The following SYNDIG1 variants were observed in gnomAD, a reference collection of about 807,000 sequenced individuals.
SYNDIG1 encodes synapse differentiation-inducing gene protein 1.
In SYNDIG1, 9 loss-of-function variants were observed where a neutral mutation model predicts 19.4. The ratio of observed to expected loss-of-function variants is 0.46; its 90% CI spans 0.28 to 0.81. The LOEUF is 0.81. Ranked by LOEUF, SYNDIG1 falls within the 30% of genes least tolerant of loss-of-function variation. The probability of loss-of-function intolerance (pLI) is 0.12; values close to 1 mark genes in which losing one functional copy is unlikely to be tolerated. For missense variants in SYNDIG1, 311 were observed against 343.3 expected (o/e 0.91, Z 0.74); for synonymous variants, 141 against 145.9 (o/e 0.97, Z 0.24).
intron 1 of SYNDIG1, among the ~76,000 whole-genome samples, chr20:24,506,084 G>A (rs1417765112): frequency 6.6e-6 from 1 of 152,162 alleles, no homozygotes; most frequent in African/African-American, 2.4e-5. Context: ...CAACTCTCAA[G>A]TCCTGGCCCC....
intron 1 of SYNDIG1, among the ~76,000 whole-genome samples, chr20:24,497,487 C>T (rs2056332922): frequency 6.6e-6 from 1 of 152,176 alleles, no homozygotes. Context: ...AGGTGTGAGC[C>T]ACTGTGCCTG....
rs143484932 is a variant in SYNDIG1, at chr20:24,601,846, G to A, written c.618+16853G>A. 9.9e-4 allele frequency among the ~76,000 whole-genome samples: 151 copies of A among 152,106 alleles called. 1 individual carries two copies. In the East Asian group the frequency reaches 0.021, roughly 21 times the overall value. On this transcript the variant is annotated intron_variant, in intron 3 of 3. Coordinates refer to ENST00000376862, the MANE Select transcript of SYNDIG1 (RefSeq NM_024893.3). The stretch of plus-strand genomic sequence containing the variant: ...TTCCTTTAGAGTGGCTTTTCTTGTG[G>A]TAAACACTCTCTGTTTTATGTTATT...
intron 1 of SYNDIG1, among the ~76,000 whole-genome samples, chr20:24,472,014 A>G (rs145596392): frequency 1.3e-5 from 2 of 152,332 alleles, no homozygotes; most frequent in Admixed American, 6.5e-5. Flanking sequence ...AAACCATTCC[A>G]AACTCACTTC....
chr20:24,535,834 TG>T (rs1438982466), intron 1 of SYNDIG1, among the ~76,000 whole-genome samples: 1 of 152,152 alleles, frequency 6.6e-6, no homozygotes, highest in Non-Finnish European at 1.5e-5. Flanking sequence ...TGGCCTCCCC[TG>T]GCTCTATTTG....
intron 1 of SYNDIG1, among the ~76,000 whole-genome samples, chr20:24,512,108 AAT>A (rs56002733): frequency 0.034 from 2,555 of 75,928 alleles, 34 homozygotes; most frequent in African/African-American, 0.072. Flanking sequence ...TGGTCTTTAA[AAT>A]ATATATATAT....
chr20:24,559,594 A>T (rs2057895972), intron 2 of SYNDIG1, among the ~76,000 whole-genome samples: 1 of 152,192 alleles, frequency 6.6e-6, no homozygotes, highest in Non-Finnish European at 1.5e-5. Flanking sequence ...CTGTGAATTC[A>T]AATTGCCATC....
At chr20:24,486,620 C>CTTTT (rs148754823) in intron 1 of SYNDIG1, among the ~76,000 whole-genome samples, 1 of 151,408 alleles carries the variant, frequency 6.6e-6, no homozygotes, top group Non-Finnish European at 1.5e-5. Flanking sequence ...GTCTCCATTT[C>CTTTT]TTTTTTTTCT....
chr20:24,621,303 C>G (rs1374235832), intron 3 of SYNDIG1, among the ~76,000 whole-genome samples: 4 of 152,202 alleles, frequency 2.6e-5, no homozygotes, highest in African/African-American at 7.2e-5. Flanking sequence ...ACTTTTGCTA[C>G]TTAAGTAAAT....
chr20:24,653,732 A>C (rs2147376075), intron 3 of SYNDIG1, among the ~76,000 whole-genome samples: 1 of 152,238 alleles, frequency 6.6e-6, no homozygotes, highest in Non-Finnish European at 1.5e-5. Context: ...AAACAACGGA[A>C]ATTTAACTCT....
chr20:24,530,953 C>T (rs542214143), intron 1 of SYNDIG1, among the ~76,000 whole-genome samples: 2 of 151,792 alleles, frequency 1.3e-5, no homozygotes, highest in Admixed American at 6.6e-5. Flanking sequence ...GGACTACAGG[C>T]GCATGCCACC....
chr20:24,606,708 C>G (rs576818394), intron 3 of SYNDIG1, among the ~76,000 whole-genome samples: 1 of 152,134 alleles, frequency 6.6e-6, no homozygotes, highest in African/African-American at 2.4e-5. Flanking sequence ...GTGGGCAGAG[C>G]GCAGCACAAG....
chr20:24,555,249 A>G (rs1280326746), intron 2 of SYNDIG1, among the ~76,000 whole-genome samples: 1 of 152,182 alleles, frequency 6.6e-6, no homozygotes, highest in Non-Finnish European at 1.5e-5. Context: ...TCCTTTCAAA[A>G]AAACCAGCTC....
At chr20:24,528,890 G>A (rs1218494150) in intron 1 of SYNDIG1, among the ~76,000 whole-genome samples, 1 of 152,152 alleles carries the variant, frequency 6.6e-6, no homozygotes, top group East Asian at 1.9e-4. Flanking sequence ...AATCACAGTG[G>A]TGGATTCCCA....
intron 3 of SYNDIG1, among the ~76,000 whole-genome samples, chr20:24,662,432 C>CTT: frequency 1.3e-5 from 2 of 152,002 alleles, no homozygotes; most frequent in Non-Finnish European, 2.9e-5. Context: ...GAGCTCAGTG[C>CTT]CTGGTGGGTT....
chr20:24,556,595 G>T (rs533096510), intron 2 of SYNDIG1, among the ~76,000 whole-genome samples: 2 of 152,142 alleles, frequency 1.3e-5, no homozygotes, highest in Admixed American at 6.5e-5. Flanking sequence ...GAATTTCTGG[G>T]TTGAAAATTC....
At chr20:24,591,479 TGGA>T (rs1336668259) in intron 3 of SYNDIG1, among the ~76,000 whole-genome samples, 2 of 151,532 alleles carry the variant, frequency 1.3e-5, no homozygotes, top group Non-Finnish European at 2.9e-5. Flanking sequence ...TTGCTGTAAA[TGGA>T]GAGTGAGAAA....
intron 1 of SYNDIG1, among the ~76,000 whole-genome samples, chr20:24,488,360 A>G (rs2056030144): frequency 1.3e-5 from 2 of 152,200 alleles, no homozygotes; most frequent in African/African-American, 4.8e-5. Context: ...CACACATACA[A>G]AGTGCTTCGC....
chr20:24,495,108 C>A (rs1435021854), intron 1 of SYNDIG1, among the ~76,000 whole-genome samples: 1 of 152,222 alleles, frequency 6.6e-6, no homozygotes, highest in Non-Finnish European at 1.5e-5. Flanking sequence ...TAAACTAAGA[C>A]AAGGATACGA....
intron 1 of SYNDIG1, among the ~76,000 whole-genome samples, chr20:24,518,512 A>G (rs1487625171): frequency 6.6e-6 from 1 of 152,234 alleles, no homozygotes; most frequent in Non-Finnish European, 1.5e-5. Context: ...CACTGTCACC[A>G]GCAGGGCTAA....
Sources: allele counts gnomAD v4.1 joint callset (sites outside exome capture counted in the v4.1 genomes callset), GRCh38; gene constraint gnomAD v4.1.1; transcripts MANE v1.5; gene names NCBI Gene and HGNC (gene_info 2026-07-23, HGNC 2026-07-21).